The following PCDHA11 variants were observed in gnomAD, a reference collection of about 807,000 sequenced individuals.
The protein encoded by PCDHA11 is protocadherin alpha 11, also known as protocadherin alpha-11.
A neutral mutation model predicts 70.3 loss-of-function variants in PCDHA11; 61 were observed. That is an observed-to-expected ratio of 0.87 (90% CI 0.71 to 1.07). PCDHA11 has a LOEUF of 1.07. PCDHA11 is among the 50% of genes least tolerant of loss of function. PCDHA11 has a pLI of 0.00. For missense variants in PCDHA11, 1,324 were observed against 1,237.5 expected (o/e 1.07, Z -1.05); for synonymous variants, 633 against 555.1 (o/e 1.14, Z -1.97).
chr5:140,948,461 A>G (rs2094256529), intron 1 of PCDHA11, among the ~76,000 whole-genome samples: 1 of 151,516 alleles, frequency 6.6e-6, no homozygotes, highest in Admixed American at 6.6e-5. Flanking sequence ...TCTTTTAGGG[A>G]AAGTTTCTGA....
At chr5:141,000,589 A>G (rs1234300694) in intron 3 of PCDHA11, among the ~76,000 whole-genome samples, 3 of 150,422 alleles carry the variant, frequency 2.0e-5, no homozygotes, top group Admixed American at 2.0e-4. Context: ...CACCATGCCC[A>G]GCTAATTTTT....
rs966554278 is a variant in PCDHA11 at position 140,906,071 on chromosome 5, G to A, written c.2391+34577G>A. On this transcript the variant is annotated intron_variant, in intron 1 of 3. Coordinates refer to ENST00000398640, the MANE Select transcript of PCDHA11 (RefSeq NM_018902.5). ...GGCTGCACTGGCAGCTGATTAGATCGCACCCACCCAGACTGAGAGTAAGTG... is the reference window on the plus strand; with the variant it reads ...GGCTGCACTGGCAGCTGATTAGATCACACCCACCCAGACTGAGAGTAAGTG... 9.2e-5 allele frequency among the ~76,000 whole-genome samples: 14 copies of A among 152,200 alleles called. 1 individual carries two copies. The highest frequency in any genetic ancestry group is 3.9e-4 in the Admixed American group (6 of 15,286).
At chr5:140,918,111 C>A (rs1035723043) in intron 1 of PCDHA11, among the ~76,000 whole-genome samples, 1 of 152,016 alleles carries the variant, frequency 6.6e-6, no homozygotes, top group Admixed American at 6.6e-5. Flanking sequence ...CTTTCACATC[C>A]TTGATTAGCC....
intron 1 of PCDHA11, among the ~76,000 whole-genome samples, chr5:140,949,914 C>T (rs941651578): frequency 1.3e-5 from 2 of 151,190 alleles, no homozygotes; most frequent in African/African-American, 4.8e-5. Context: ...TTAGATATAA[C>T]TATTTTTAGA....
intron 1 of PCDHA11, among the ~76,000 whole-genome samples, chr5:140,947,353 A>G (rs1041468487): frequency 4.6e-5 from 7 of 151,616 alleles, no homozygotes; most frequent in African/African-American, 1.7e-4. Context: ...TCTGGACTCT[A>G]TTTCACTCCT....
At chr5:140,996,622 G>C (rs2097735162) in intron 3 of PCDHA11, among the ~76,000 whole-genome samples, 1 of 152,156 alleles carries the variant, frequency 6.6e-6, no homozygotes, top group African/African-American at 2.4e-5. Context: ...AATTTCACTG[G>C]TTCCTGCAAA....
chr5:140,905,048 C>A (rs2153487978), intron 1 of PCDHA11, among the ~76,000 whole-genome samples: 1 of 152,186 alleles, frequency 6.6e-6, no homozygotes, highest in African/African-American at 2.4e-5. Flanking sequence ...TAATTAGGTC[C>A]CATTTATTTA....
chr5:140,948,495 G>T (rs2094260954), intron 1 of PCDHA11, among the ~76,000 whole-genome samples: 1 of 151,424 alleles, frequency 6.6e-6, no homozygotes, highest in African/African-American at 2.4e-5. Context: ...TTCTTTCATA[G>T]ACTTTCTATT....
chr5:140,911,760 A>T (rs1295639313), intron 1 of PCDHA11, among the ~76,000 whole-genome samples: 1 of 151,962 alleles, frequency 6.6e-6, no homozygotes, highest in Non-Finnish European at 1.5e-5. Flanking sequence ...TCTCCATACT[A>T]TTAGAAGTAC....
rs782119738 is a variant in PCDHA11, at chr5:140,927,224, G to A, written c.2392-51725G>A. ...GACCCGCTGGAGCTGCACAAGATTC[G>A]GATTCACGTCCTGGACACCAATGAC... On this transcript the variant is annotated intron_variant, in intron 1 of 3. Coordinates refer to ENST00000398640, the MANE Select transcript of PCDHA11 (RefSeq NM_018902.5). 3 of 1,614,072 alleles carry A rather than the reference G, an allele frequency of 1.9e-6. No homozygotes were observed. The South Asian group carries it at 3.3e-5, about 18-fold the overall frequency.
chr5:140,882,392 G>T (rs781850899), intron 1 of PCDHA11: 5 of 1,614,058 alleles, frequency 3.1e-6, no homozygotes, highest in Middle Eastern at 1.6e-4. Flanking sequence ...AGCAAAACAC[G>T]GCACCTTCGT....
intron 1 of PCDHA11, among the ~76,000 whole-genome samples, chr5:140,936,994 TA>T (rs1472246875): frequency 6.6e-6 from 1 of 152,140 alleles, no homozygotes; most frequent in Non-Finnish European, 1.5e-5. Context: ...ACATTGACAA[TA>T]TTGAGACAGA....
chr5:140,868,965 G>A lies in PCDHA11; in HGVS notation c.-139G>A, dbSNP rs2050767308. 7.0e-7 allele frequency: 1 copy of A among 1,430,146 alleles called. No individual in the cohort carries two copies. The highest frequency in any genetic ancestry group is 9.4e-7 in the Non-Finnish European group (1 of 1,067,170). The allele number at this position is 1,430,146 out of a possible 1,614,324, so 88.6% of individuals were successfully genotyped here. A position where few individuals can be genotyped will look rare whatever the true frequency, so the allele number is the denominator to read the frequency against. On this transcript the variant is annotated 5_prime_UTR_variant, in exon 1 of 4. Coordinates refer to ENST00000398640, the MANE Select transcript of PCDHA11 (RefSeq NM_018902.5). ...AACAGTGAGGCACTCCCATACAAAG[G>A]AACTCCATCATACCGGATGCCACCG...
chr5:140,985,499 C>G (rs1307302690), intron 3 of PCDHA11, among the ~76,000 whole-genome samples: 1 of 152,170 alleles, frequency 6.6e-6, no homozygotes, highest in African/African-American at 2.4e-5. Flanking sequence ...TAGAGCCTGC[C>G]TTTCATTGAT....
intron 1 of PCDHA11, among the ~76,000 whole-genome samples, chr5:140,948,500 T>C (rs1482428616): frequency 6.6e-6 from 1 of 151,662 alleles, no homozygotes; most frequent in Non-Finnish European, 1.5e-5. Context: ...TCATAGACTT[T>C]CTATTAAAAA....
At chr5:140,877,317 G>T (rs535177109) in intron 1 of PCDHA11, 2 of 1,614,004 alleles carry the variant, frequency 1.2e-6, no homozygotes, top group South Asian at 1.1e-5. Context: ...AACCGGCGGC[G>T]GTCGGCGCGC....
chr5:140,915,992 G>A (rs1437857401), intron 1 of PCDHA11, among the ~76,000 whole-genome samples: 2 of 152,134 alleles, frequency 1.3e-5, no homozygotes, highest in African/African-American at 4.8e-5. Context: ...GGCTAAGCTG[G>A]CACTCAAACC....
rs782776341 is a variant in PCDHA11 at position 140,884,056 on chromosome 5, G to A, written c.2391+12562G>A. On this transcript the variant is annotated intron_variant, in intron 1 of 3. Coordinates refer to ENST00000398640, the MANE Select transcript of PCDHA11 (RefSeq NM_018902.5). ...GCCACGTGGTGGCGAAGGTGCGCGC[G>A]GTGGACGCCGATTCGGGCTACAATG... 3.1e-6 allele frequency: 5 copies of A among 1,613,476 alleles called. No homozygotes were observed. In the South Asian group the frequency reaches 4.4e-5, roughly 14 times the overall value.
rs2052892595 is a variant in PCDHA11 at position 140,871,265 on chromosome 5, G to A, written c.2162G>A (p.Trp721Ter). 8 of 1,613,978 alleles carry A rather than the reference G, an allele frequency of 5.0e-6. No homozygotes were observed. Among genetic ancestry groups the A allele is most frequent in the Non-Finnish European group, 6.8e-6 (8 of 1,179,952 alleles). ...VLTLLLYTAL[W>*]WSATPTEGAC... is the part of the protein sequence containing the mutation. ...ACGCTGCTGCTGTATACGGCGCTGT[G>A]GTGGTCGGCAACGCCCACTGAGGGC... Residue 721 changes from tryptophan to a stop codon, truncating the protein, a stop_gained, in exon 1 of 4, where the codon TGG becomes TAG. Transcript: ENST00000398640. LOFTEE classifies it high-confidence loss of function.
Sources: gnomAD v4.1 joint callset for allele counts (sites outside exome capture counted in the v4.1 genomes callset) on GRCh38, gnomAD v4.1.1 for gene constraint, MANE v1.5 for transcripts, NCBI Gene and HGNC (gene_info 2026-07-23, HGNC 2026-07-21) for gene names.